THEMIS: variants seen among roughly 807,000 people sequenced by gnomAD.
THEMIS encodes the protein thymocyte selection associated.
Under a neutral mutation model 52.6 loss-of-function variants are expected in THEMIS, and 37 were observed. The observed-to-expected ratio is 0.70, with a 90% confidence interval of 0.54 to 0.93. THEMIS has a LOEUF of 0.93. THEMIS is among the 40% of genes least tolerant of loss of function. The pLI, the probability that THEMIS is intolerant of heterozygous loss-of-function variation, is 0.00. For synonymous variants in THEMIS, 292 were observed against 272.7 expected, an observed-to-expected ratio of 1.07 and a Z score of -0.70; for missense variants, 808 against 763.1, an observed-to-expected ratio of 1.06 and a Z score of -0.69.
chr6:127,847,155 T>C (rs948685936), intron 2 of THEMIS, among the ~76,000 whole-genome samples: 2 of 151,878 alleles, frequency 1.3e-5, no homozygotes, highest in African/African-American at 4.8e-5. Flanking sequence ...AAGCCACATA[T>C]GACAAACCCA....
chr6:127,811,170 C>A (rs1462946002), intron 4 of THEMIS, among the ~76,000 whole-genome samples: 1 of 152,088 alleles, frequency 6.6e-6, no homozygotes, highest in African/African-American at 2.4e-5. Context: ...AACTTGATGT[C>A]TTATATTATC....
At chr6:127,774,407 G>A (rs377445974) in intron 4 of THEMIS, among the ~76,000 whole-genome samples, 4 of 152,020 alleles carry the variant, frequency 2.6e-5, no homozygotes, top group African/African-American at 4.8e-5. Flanking sequence ...GGGTTTCACC[G>A]TGTTAGCCAG....
chr6:127,875,875 T>C (rs1179293783), intron 1 of THEMIS, among the ~76,000 whole-genome samples: 2 of 152,212 alleles, frequency 1.3e-5, no homozygotes, highest in Non-Finnish European at 2.9e-5. Context: ...AATCGAAGTA[T>C]AATCCTCTAC....
intron 4 of THEMIS, among the ~76,000 whole-genome samples, chr6:127,758,772 G>C (rs548622409): frequency 1.3e-5 from 2 of 152,004 alleles, no homozygotes; most frequent in South Asian, 4.1e-4. Context: ...GTAATCACAT[G>C]AAAGAAAGAA....
chr6:127,901,487 T>A (rs1781133362), upstream of THEMIS, among the ~76,000 whole-genome samples: 1 of 152,136 alleles, frequency 6.6e-6, no homozygotes, highest in Admixed American at 6.6e-5. Context: ...TTGCGTCAGC[T>A]CTTTTTAGAA....
intron 4 of THEMIS, among the ~76,000 whole-genome samples, chr6:127,720,666 T>C (rs1583197207): frequency 6.6e-6 from 1 of 152,020 alleles, no homozygotes; most frequent in South Asian, 2.1e-4. Context: ...TGGACAACTT[T>C]CCTGTAAAGT....
upstream of THEMIS, among the ~76,000 whole-genome samples, chr6:127,902,652 C>T (rs1240469367): frequency 3.3e-5 from 5 of 152,032 alleles, no homozygotes; most frequent in Non-Finnish European, 5.9e-5. Flanking sequence ...GTAGAATTTA[C>T]GATTGACCAC....
chr6:127,834,491 G>C (rs1477561586), intron 2 of THEMIS, among the ~76,000 whole-genome samples: 9 of 151,580 alleles, frequency 5.9e-5, no homozygotes, highest in Admixed American at 5.9e-4. Context: ...GGCTGAGGTA[G>C]GAGAATCGCT....
intron 4 of THEMIS, among the ~76,000 whole-genome samples, chr6:127,763,765 G>A (rs1184394626): frequency 6.6e-6 from 1 of 151,868 alleles, no homozygotes; most frequent in African/African-American, 2.4e-5. Context: ...GTAAAAGTAA[G>A]TTTTGTCTAA....
chr6:127,838,798 A>G (rs1473910430), intron 2 of THEMIS, among the ~76,000 whole-genome samples: 1 of 152,136 alleles, frequency 6.6e-6, no homozygotes, highest in Non-Finnish European at 1.5e-5. Context: ...TCAAACAGCA[A>G]ATAATACTCT....
intron 4 of THEMIS, among the ~76,000 whole-genome samples, chr6:127,734,696 C>T (rs1427006712): frequency 6.6e-6 from 1 of 151,032 alleles, no homozygotes; most frequent in Non-Finnish European, 1.5e-5. Flanking sequence ...TGGTGAAACC[C>T]CCTCTCTACT....
rs76061939 is a variant in THEMIS at position 127,871,101 on chromosome 6, A to C, written c.92-15913T>G. Among the ~76,000 whole-genome samples the C allele has an allele frequency of 5.4e-4, 82 of 152,300 alleles. 1 individual carries two copies. The East Asian group carries it at 0.016, about 29-fold the overall frequency. On this transcript the variant is annotated intron_variant, in intron 1 of 5. Transcript: ENST00000368248. ...TATCCTGTGCCATAAAACAAATCTCAACAAATTTAAAATAATTGAATCATA... is the reference window on the plus strand; with the variant it reads ...TATCCTGTGCCATAAAACAAATCTCCACAAATTTAAAATAATTGAATCATA...
chr6:127,791,678 G>A (rs1020213087), intron 4 of THEMIS, among the ~76,000 whole-genome samples: 1 of 152,116 alleles, frequency 6.6e-6, no homozygotes, highest in Admixed American at 6.5e-5. Flanking sequence ...GGTGCCTATG[G>A]TGCCCTGGCT....
chr6:127,871,777 G>A (rs376864318), intron 1 of THEMIS, among the ~76,000 whole-genome samples: 10 of 152,110 alleles, frequency 6.6e-5, no homozygotes, highest in East Asian at 5.8e-4. Context: ...TGTTCAGTCC[G>A]ATAACTATTA....
At chr6:127,821,449 G>T (rs1778337697) in intron 3 of THEMIS, among the ~76,000 whole-genome samples, 1 of 152,098 alleles carries the variant, frequency 6.6e-6, no homozygotes, top group South Asian at 2.1e-4. Context: ...TCAAACTTTA[G>T]TTTAGACTTC....
upstream of THEMIS, among the ~76,000 whole-genome samples, chr6:127,903,471 G>A (rs116957399): frequency 1.2e-3 from 177 of 152,060 alleles, 2 homozygotes; most frequent in East Asian, 0.026. Context: ...CCAAGGCAGT[G>A]GGAAAGAATG....
At chr6:127,786,523 G>C (rs1181986318) in intron 4 of THEMIS, among the ~76,000 whole-genome samples, 3 of 152,180 alleles carry the variant, frequency 2.0e-5, no homozygotes, top group Non-Finnish European at 2.9e-5. Context: ...AGTGTTGGTT[G>C]AGTATTCATT....
intron 4 of THEMIS, among the ~76,000 whole-genome samples, chr6:127,736,148 A>G (rs374571249): frequency 5.9e-5 from 9 of 152,194 alleles, no homozygotes; most frequent in African/African-American, 2.2e-4. Context: ...ATTCTCACTT[A>G]GTCAAGAACA....
chr6:127,710,313 A>G (rs1272248643), intron 5 of THEMIS, among the ~76,000 whole-genome samples: 1 of 151,970 alleles, frequency 6.6e-6, no homozygotes, highest in Non-Finnish European at 1.5e-5. Context: ...GTTCATCCTT[A>G]TAACAACTCT....
Sources: gnomAD v4.1 joint callset for allele counts (sites outside exome capture counted in the v4.1 genomes callset) on GRCh38, gnomAD v4.1.1 for gene constraint, MANE v1.5 for transcripts, NCBI Gene and HGNC (gene_info 2026-07-23, HGNC 2026-07-21) for gene names.